The following GRSF1 variants were observed in gnomAD, a reference collection of about 807,000 sequenced individuals.
GRSF1 encodes the protein G-rich RNA sequence binding factor 1, also known as G-rich sequence factor 1.
A neutral mutation model predicts 51.1 loss-of-function variants in GRSF1; 50 were observed. The ratio of observed to expected loss-of-function variants is 0.98; its 90% CI spans 0.78 to 1.24. The LOEUF is 1.24. Among genes scored for constraint, GRSF1 ranks in the 50% most tolerant of loss-of-function variants. The probability of loss-of-function intolerance (pLI) is 0.00; values close to 1 mark genes in which losing one functional copy is unlikely to be tolerated. For synonymous variants in GRSF1, 293 were observed against 253.3 expected (o/e 1.16, Z -1.49); for missense variants, 700 against 639.7 (o/e 1.09, Z -1.02).
chr4:70,837,679 C>A (rs1423200537), intron 1 of GRSF1, among the ~76,000 whole-genome samples: 1 of 150,950 alleles, frequency 6.6e-6, no homozygotes, highest in Admixed American at 6.6e-5. Flanking sequence ...TCGCTCTTGT[C>A]GCCCAGACTA....
chr4:70,832,180 A>C (rs1375735885), intron 4 of GRSF1, 127 bp downstream of exon 4: 1 of 553,736 alleles, frequency 1.8e-6, no homozygotes, highest in East Asian at 3.0e-5. Context: ...TTAAGTGAAG[A>C]GCTCTCCCCT....
intron 1 of GRSF1, among the ~76,000 whole-genome samples, chr4:70,837,548 A>C (rs1233938777): frequency 1.8e-5 from 2 of 113,138 alleles, no homozygotes; most frequent in African/African-American, 6.9e-5. Flanking sequence ...TGGGCAACAG[A>C]GCAAGACTCC....
At position 70,836,323 on chromosome 4, in the gene GRSF1, G is replaced by A. The variant is rs994293973; in HGVS notation, c.358-9C>T. On this transcript the variant is annotated splice_polypyrimidine_tract_variant and intron_variant, in intron 1 of 9. Coordinates refer to ENST00000254799, the MANE Select transcript of GRSF1 (RefSeq NM_002092.4). The stretch of plus-strand genomic sequence containing the variant: ...TAAGTAGTTTTGGACTCCTTCCAAA[G>A]GAAATGAAGAATTGTAAAAAGAGTT... 4.5e-6 allele frequency: 7 copies of A among 1,541,052 alleles called. No individual in the cohort carries two copies. In the South Asian group the frequency reaches 7.3e-5, roughly 16 times the overall value.
chr4:70,818,165 A>T lies in GRSF1; in HGVS notation c.*2722T>A, dbSNP rs1733380325. ...GCGATTCTCCTGCCTTGGCCTCCCAAGTAACTGGGATTACAGGCGTGTGCC... is the reference window on the plus strand; with the variant it reads ...GCGATTCTCCTGCCTTGGCCTCCCATGTAACTGGGATTACAGGCGTGTGCC... On this transcript the variant is annotated 3_prime_UTR_variant, in exon 10 of 10. Coordinates refer to ENST00000254799, the MANE Select transcript of GRSF1 (RefSeq NM_002092.4). 6.6e-6 allele frequency: 1 copy of T among 152,228 alleles called. No individual in the cohort carries two copies. Among genetic ancestry groups the T allele is most frequent in the African/African-American group, 2.4e-5 (1 of 41,422 alleles). 9.4% of individuals were successfully genotyped at this position (152,228 alleles called of 1,614,324 possible). A position where few individuals can be genotyped will look rare whatever the true frequency, so the allele number is the denominator to read the frequency against.
At chr4:70,825,140 TTATAA>T (rs1310992386) in intron 8 of GRSF1, among the ~76,000 whole-genome samples, 151 bp downstream of exon 8, 2 of 152,038 alleles carry the variant, frequency 1.3e-5, no homozygotes, top group Non-Finnish European at 2.9e-5. Flanking sequence ...ATTTTTTAAA[TTATAA>T]TATAGTGTTT....
chr4:70,828,340 G>GA (rs1157074233), intron 5 of GRSF1, among the ~76,000 whole-genome samples: 1 of 152,124 alleles, frequency 6.6e-6, no homozygotes, highest in Non-Finnish European at 1.5e-5. Context: ...TGTGTATACA[G>GA]AAAAAATTAA....
At chr4:70,839,935 C>T (rs866388525), upstream of GRSF1, 120 of 1,013,220 alleles carry the variant, frequency 1.2e-4, 2 homozygotes, top group South Asian at 1.5e-3. Context: ...GGCACATGCG[C>T]CGCGGGCACT....
chr4:70,839,350 C>T (rs924603928), intron 1 of GRSF1, 121 bp downstream of exon 1: 1 of 1,504,624 alleles, frequency 6.6e-7, no homozygotes, highest in Non-Finnish European at 8.9e-7. Flanking sequence ...GGGTGTGCGG[C>T]GAGTGTCGCG....
intron 1 of GRSF1, among the ~76,000 whole-genome samples, chr4:70,838,712 AT>A (rs1167954882): frequency 1.3e-5 from 2 of 152,198 alleles, no homozygotes; most frequent in Non-Finnish European, 2.9e-5. Context: ...TTCTAAAAAA[AT>A]AAAGAAAAAA....
At chr4:70,843,009 T>TGCACTCCA (rs1474031469), upstream of GRSF1, among the ~76,000 whole-genome samples, 1 of 152,072 alleles carries the variant, frequency 6.6e-6, no homozygotes, top group Non-Finnish European at 1.5e-5. Flanking sequence ...ACCGCACCAC[T>TGCACTCCA]GCACTCCAGC....
chr4:70,821,588 A>G (rs1363888859), intron 9 of GRSF1, among the ~76,000 whole-genome samples: 12 of 148,082 alleles, frequency 8.1e-5, no homozygotes, highest in Non-Finnish European at 1.5e-5. Context: ...CCTGGGCGAC[A>G]GAGAGAGACT....
At chr4:70,839,226 A>G in intron 1 of GRSF1, 2 of 1,450,062 alleles carry the variant, frequency 1.4e-6, no homozygotes, top group Non-Finnish European at 1.8e-6. Context: ...AGCCACACTT[A>G]CACTGCCCAA....
At chr4:70,831,799 A>T in intron 4 of GRSF1, 125 bp from the exon 5 acceptor site, 1 of 688,046 alleles carries the variant, frequency 1.5e-6, no homozygotes, top group Non-Finnish European at 2.3e-6. Flanking sequence ...TACATGCTTG[A>T]CAGGAAGAAA....
intron 9 of GRSF1, among the ~76,000 whole-genome samples, chr4:70,823,880 A>G (rs1733621941): frequency 6.6e-6 from 1 of 152,176 alleles, no homozygotes; most frequent in Non-Finnish European, 1.5e-5. Flanking sequence ...AAAATTTGAA[A>G]AATAAAAAGA....
At chr4:70,832,485 T>A in intron 3 of GRSF1, 35 bp from the exon 4 acceptor site, 1 of 1,381,586 alleles carries the variant, frequency 7.2e-7, no homozygotes, top group Non-Finnish European at 1.0e-6. Flanking sequence ...ATGAAAAATT[T>A]ACATAACAAA....
At position 70,815,844 on chromosome 4, in the gene GRSF1, A is replaced by C. The variant is rs1157145121; in HGVS notation, c.*5043T>G. Reference sequence around the variant, plus strand: ...CCAAACTAGAAACAGCCCATTGTTCACCAGTTAGTTGTTCACCTAACAGGT... The same window carrying C: ...CCAAACTAGAAACAGCCCATTGTTCCCCAGTTAGTTGTTCACCTAACAGGT... On this transcript the variant is annotated 3_prime_UTR_variant, in exon 10 of 10. Transcript: ENST00000254799. 1 of 152,232 alleles carries C rather than the reference A, an allele frequency of 6.6e-6. No homozygotes were observed. The highest frequency in any genetic ancestry group is 2.4e-5 in the African/African-American group (1 of 41,466). The allele number at this position is 152,232 out of a possible 1,614,324, so 9.4% of individuals were successfully genotyped here.
intron 5 of GRSF1, 61 bp from the exon 6 acceptor site, chr4:70,828,097 T>C: frequency 5.9e-6 from 7 of 1,184,956 alleles, no homozygotes; most frequent in Non-Finnish European, 8.6e-6. Context: ...ACTGAACTCA[T>C]TTAAAATAAA....
Position 70,839,831 on chromosome 4 carries a change from C to T in GRSF1, c.-4G>A. ...GTACCCAGCGCGTGCCGGCCATGGA[C>T]TCCGGAGGCGGCGCAGGGCCTGAAG... On this transcript the variant is annotated 5_prime_UTR_variant, in exon 1 of 10. Transcript: ENST00000254799. 1 of 1,491,674 alleles carries T rather than the reference C, an allele frequency of 6.7e-7. No homozygotes were observed. Among genetic ancestry groups the T allele is most frequent in the Non-Finnish European group, 8.9e-7 (1 of 1,128,472 alleles). The allele number at this position is 1,491,674 out of a possible 1,614,324, so 92.4% of individuals were successfully genotyped here.
intron 8 of GRSF1, 95 bp downstream of exon 8, chr4:70,825,201 T>C: frequency 1.0e-6 from 1 of 991,350 alleles, no homozygotes; most frequent in South Asian, 2.0e-5. Context: ...TACAAATTTC[T>C]CAAGGAAAAA....
Sources: allele counts gnomAD v4.1 joint callset (sites outside exome capture counted in the v4.1 genomes callset), GRCh38; gene constraint gnomAD v4.1.1; transcripts MANE v1.5; gene names NCBI Gene and HGNC (gene_info 2026-07-23, HGNC 2026-07-21).